The following TTLL5 variants were observed in gnomAD, a reference collection of about 807,000 sequenced individuals.
TTLL5 encodes the protein tubulin tyrosine ligase like 5.
In TTLL5, 132 loss-of-function variants were observed where a neutral mutation model predicts 168.4. The ratio of observed to expected loss-of-function variants is 0.78; its 90% CI spans 0.68 to 0.91. The LOEUF is 0.91. TTLL5 is among the 40% of genes least tolerant of loss of function. The pLI, the probability that TTLL5 is intolerant of heterozygous loss-of-function variation, is 0.00. For missense variants in TTLL5, 1,545 were observed against 1,581.5 expected (o/e 0.98, Z 0.39); for synonymous variants, 546 against 558.6 (o/e 0.98, Z 0.32).
At chr14:75,731,215 C>T (rs1888511026) in intron 12 of TTLL5, among the ~76,000 whole-genome samples, 1 of 152,002 alleles carries the variant, frequency 6.6e-6, no homozygotes, top group Non-Finnish European at 1.5e-5. Context: ...TGGGTGTGAG[C>T]TCTGGTCTGT....
At chr14:75,934,344 C>T (rs983540087) in intron 31 of TTLL5, among the ~76,000 whole-genome samples, 1 of 152,116 alleles carries the variant, frequency 6.6e-6, no homozygotes, top group Non-Finnish European at 1.5e-5. Context: ...TAAAGTAAAG[C>T]ATTTAGAGGT....
chr14:75,861,660 A>G (rs1402338559), intron 28 of TTLL5, among the ~76,000 whole-genome samples: 1 of 152,190 alleles, frequency 6.6e-6, no homozygotes, highest in Non-Finnish European at 1.5e-5. Flanking sequence ...GGTTTGGAGC[A>G]AGGTTGTTCA....
At chr14:75,937,895 A>C (rs1369236911) in intron 31 of TTLL5, among the ~76,000 whole-genome samples, 1 of 152,130 alleles carries the variant, frequency 6.6e-6, no homozygotes, top group Non-Finnish European at 1.5e-5. Flanking sequence ...GCTGGATTGT[A>C]TGGTAATTCT....
chr14:75,809,467 TG>T (rs970410939), intron 27 of TTLL5, among the ~76,000 whole-genome samples: 2 of 152,126 alleles, frequency 1.3e-5, no homozygotes, highest in Non-Finnish European at 2.9e-5. Context: ...TTACATATTT[TG>T]GGGGGTACAT....
intron 31 of TTLL5, among the ~76,000 whole-genome samples, chr14:75,911,915 A>T (rs2033402495): frequency 6.6e-6 from 1 of 152,218 alleles, no homozygotes; most frequent in Admixed American, 6.5e-5. Flanking sequence ...GATGATCGAG[A>T]GGAGAGAGAC....
intron 31 of TTLL5, among the ~76,000 whole-genome samples, 172 bp from the exon 32 acceptor site, chr14:75,954,252 C>CAAAAAAA (rs56396876): frequency 1.3e-5 from 1 of 74,520 alleles, no homozygotes; most frequent in Non-Finnish European, 2.6e-5. Flanking sequence ...GACTCCATCT[C>CAAAAAAA]AAAAAAAAAA....
chr14:75,947,140 A>C (rs930338932), intron 31 of TTLL5, among the ~76,000 whole-genome samples: 14 of 152,370 alleles, frequency 9.2e-5, no homozygotes, highest in Non-Finnish European at 1.5e-4. Flanking sequence ...TGTGGCTGCT[A>C]TATCAGGCAG....
At chr14:75,811,446 AC>A (rs1423266651) in intron 27 of TTLL5, among the ~76,000 whole-genome samples, 1 of 151,868 alleles carries the variant, frequency 6.6e-6, no homozygotes, top group Non-Finnish European at 1.5e-5. Context: ...CTTTCCTCCT[AC>A]CTATTATTTT....
chr14:75,952,530 G>A (rs1477478829), intron 31 of TTLL5, among the ~76,000 whole-genome samples: 1 of 152,126 alleles, frequency 6.6e-6, no homozygotes, highest in Non-Finnish European at 1.5e-5. Context: ...ATACCCAAGA[G>A]AAATGAAAAC....
intron 15 of TTLL5, among the ~76,000 whole-genome samples, chr14:75,739,443 G>A (rs1889114187): frequency 6.6e-6 from 1 of 152,122 alleles, no homozygotes; most frequent in Admixed American, 6.5e-5. Flanking sequence ...GTTAGACTGT[G>A]TCAAGCTTTC....
rs61980817 is a variant in TTLL5, at chr14:75,861,544, T to A, written c.3327-2123T>A. ...CTTCAGGGTTCCTACACCTCTGTCA[T>A]TGAAATGACTTTAATGACAAAGGAA... On this transcript the variant is annotated intron_variant, in intron 28 of 31. Coordinates refer to ENST00000298832, the MANE Select transcript of TTLL5 (RefSeq NM_015072.5). Among the ~76,000 whole-genome samples, 330 of 152,274 alleles carry A rather than the reference T, an allele frequency of 2.2e-3. 1 individual carries two copies. The highest frequency in any genetic ancestry group is 7.7e-3 in the African/African-American group (321 of 41,558).
At chr14:75,781,405 C>T (rs1892041739) in intron 24 of TTLL5, among the ~76,000 whole-genome samples, 1 of 152,074 alleles carries the variant, frequency 6.6e-6, no homozygotes, top group Non-Finnish European at 1.5e-5. Context: ...ACAGTGTTAC[C>T]ACTGCTATTG....
intron 31 of TTLL5, among the ~76,000 whole-genome samples, chr14:75,907,311 G>A (rs1374272479): frequency 6.6e-6 from 1 of 152,206 alleles, no homozygotes; most frequent in Non-Finnish European, 1.5e-5. Context: ...TTGTGAAGCT[G>A]TTTCCACACT....
rs762233809 is a variant in TTLL5, at chr14:75,954,483, C to G, written c.*37C>G. 1 of 1,611,560 alleles carries G rather than the reference C, an allele frequency of 6.2e-7. No homozygotes were observed. The highest frequency in any genetic ancestry group is 1.1e-5 in the South Asian group (1 of 91,006). On this transcript the variant is annotated 3_prime_UTR_variant, in exon 32 of 32. Coordinates refer to ENST00000298832, the MANE Select transcript of TTLL5 (RefSeq NM_015072.5). Reference sequence around the variant, plus strand: ...ACAGAGAAACAACCTGTTCACCACTCCTGGGTGCATGATTGAGGGTGAAGC... The same window carrying G: ...ACAGAGAAACAACCTGTTCACCACTGCTGGGTGCATGATTGAGGGTGAAGC...
chr14:75,705,292 C>T (rs181237338), intron 7 of TTLL5, among the ~76,000 whole-genome samples: 1 of 152,274 alleles, frequency 6.6e-6, no homozygotes, highest in East Asian at 1.9e-4. Flanking sequence ...TGAGAGAGGA[C>T]TCTCATTCTG....
At chr14:75,748,177 T>C (rs1290027748) in intron 17 of TTLL5, among the ~76,000 whole-genome samples, 2 of 152,128 alleles carry the variant, frequency 1.3e-5, no homozygotes, top group East Asian at 1.9e-4. Flanking sequence ...CTTGTAAACT[T>C]TTCTAGCTGT....
intron 3 of TTLL5, among the ~76,000 whole-genome samples, chr14:75,673,782 G>A (rs995059203): frequency 2.6e-5 from 4 of 152,092 alleles, no homozygotes; most frequent in African/African-American, 9.7e-5. Flanking sequence ...ATTGCTTCTG[G>A]GATTTGAATC....
chr14:75,665,443 A>G (rs1883186479), intron 2 of TTLL5, among the ~76,000 whole-genome samples: 1 of 152,190 alleles, frequency 6.6e-6, no homozygotes, highest in Admixed American at 6.5e-5. Context: ...GATTATTAGG[A>G]GGAGAGTTGC....
At chr14:75,801,829 G>A (rs1483779234) in intron 27 of TTLL5, among the ~76,000 whole-genome samples, 1 of 152,128 alleles carries the variant, frequency 6.6e-6, no homozygotes, top group East Asian at 1.9e-4. Context: ...AAAGAAAGTT[G>A]CTTTAGTTTC....
Sources: gnomAD v4.1 joint callset for allele counts (sites outside exome capture counted in the v4.1 genomes callset) on GRCh38, gnomAD v4.1.1 for gene constraint, MANE v1.5 for transcripts, NCBI Gene and HGNC (gene_info 2026-07-23, HGNC 2026-07-21) for gene names.